DAB1: variants seen among roughly 807,000 people sequenced by gnomAD.
DAB1 encodes DAB adaptor protein 1.
A neutral mutation model predicts 64.6 loss-of-function variants in DAB1; 15 were observed. That is an observed-to-expected ratio of 0.23 (90% CI 0.16 to 0.36). DAB1 has a LOEUF of 0.36. Ranked by LOEUF, DAB1 falls within the 10% of genes least tolerant of loss-of-function variation. DAB1 has a pLI of 1.00. For synonymous variants in DAB1, 235 were observed against 251.9 expected, an observed-to-expected ratio of 0.93 and a Z score of 0.64; for missense variants, 596 against 706.7, an observed-to-expected ratio of 0.84 and a Z score of 1.78.
At chr1:58,026,045 T>C (rs763124171) in intron 5 of DAB1, among the ~76,000 whole-genome samples, 8 of 152,058 alleles carry the variant, frequency 5.3e-5, no homozygotes, top group Admixed American at 3.9e-4. Context: ...CTCTAATATA[T>C]TGCTTTATAT....
rs1345704565 is a variant in DAB1, at chr1:57,482,866, C to G, written n.625+166726G>C. On this transcript the variant is annotated intron_variant and non_coding_transcript_variant, in intron 7 of 20. Coordinates refer to the DAB1 transcript ENST00000485760. ...GAGGTTAATAACTTGCTCACGTTTA[C>G]AGTCTTTCAAATGTACTACCCTGTC... Among the ~76,000 whole-genome samples, 10 of 152,286 alleles carry G rather than the reference C, an allele frequency of 6.6e-5. No individual in the cohort carries two copies. The East Asian group carries it at 1.9e-3, about 29-fold the overall frequency.
chr1:57,006,358 C>G (rs774676618), intron 14 of DAB1, among the ~76,000 whole-genome samples: 1 of 152,216 alleles, frequency 6.6e-6, no homozygotes, highest in East Asian at 1.9e-4. Context: ...TCTGCTCAAA[C>G]ATGCTGCTTG....
chr1:58,416,397 T>C (rs1019960703), intron 3 of DAB1, among the ~76,000 whole-genome samples: 10 of 152,166 alleles, frequency 6.6e-5, no homozygotes, highest in Admixed American at 6.5e-4. Flanking sequence ...AGCAAGAGTA[T>C]TAATAATAGT....
In DAB1 at chr1:57,855,167, G is replaced by A. The variant is rs543028974; in HGVS notation, n.88-28712C>T. 4.6e-5 allele frequency among the ~76,000 whole-genome samples: 7 copies of A among 152,238 alleles called. No homozygotes were observed. The South Asian group carries it at 1.2e-3, about 27-fold the overall frequency. On this transcript the variant is annotated intron_variant and non_coding_transcript_variant, in intron 1 of 1. Transcript: ENST00000477280. ...TATGAGTGCACAGCAACTTCTGCAG[G>A]GCTGGAGGAAGCTGAGGGGGAGGGG...
At chr1:57,464,158 T>A (rs1169555489) in intron 7 of DAB1, among the ~76,000 whole-genome samples, 1 of 152,218 alleles carries the variant, frequency 6.6e-6, no homozygotes, top group Non-Finnish European at 1.5e-5. Context: ...CTTAAAGAAC[T>A]ATCATGTAAG....
chr1:57,144,196 A>C (rs1658883274), intron 3 of DAB1, among the ~76,000 whole-genome samples: 2 of 152,038 alleles, frequency 1.3e-5, no homozygotes, highest in African/African-American at 4.8e-5. Context: ...AATGCACATA[A>C]GTGAACTCTG....
rs72912307 is a variant in DAB1, at chr1:58,265,571, G to A, written n.309+77781C>T. Among the ~76,000 whole-genome samples, 1,085 of 152,254 alleles carry A rather than the reference G, an allele frequency of 7.1e-3. 15 individuals carry two copies. Among genetic ancestry groups the A allele is most frequent in the African/African-American group, 0.024 (1,014 of 41,554 alleles). On this transcript the variant is annotated intron_variant and non_coding_transcript_variant, in intron 4 of 20. Transcript: ENST00000485760. ...TTTATTAACTCCTCTAATCAAACCA[G>A]CAATTTTTTTTCATATTACATGAAA...
intron 6 of DAB1, among the ~76,000 whole-genome samples, chr1:57,667,434 T>C (rs776207578): frequency 2.1e-4 from 32 of 152,112 alleles, no homozygotes; most frequent in Non-Finnish European, 3.5e-4. Context: ...GACATATTTT[T>C]TAGTTAATTA....
chr1:57,043,826 G>C (rs1253886534), intron 9 of DAB1, among the ~76,000 whole-genome samples: 2 of 151,348 alleles, frequency 1.3e-5, no homozygotes, highest in Non-Finnish European at 2.9e-5. Flanking sequence ...CAGCCTGGGT[G>C]ACAGAGTAAG....
chr1:58,403,983 T>A (rs1644594594), intron 3 of DAB1, among the ~76,000 whole-genome samples: 1 of 152,198 alleles, frequency 6.6e-6, no homozygotes, highest in South Asian at 2.1e-4. Flanking sequence ...ATTTATTTGG[T>A]CTGGAGAAGA....
At chr1:57,319,930 T>C (rs1339490885) in intron 1 of DAB1, among the ~76,000 whole-genome samples, 1 of 152,212 alleles carries the variant, frequency 6.6e-6, no homozygotes, top group African/African-American at 2.4e-5. Flanking sequence ...CTATAGCAGC[T>C]ATCCTGGGAC....
chr1:58,078,071 G>A (rs529377269), intron 5 of DAB1: 1 of 152,416 alleles, frequency 6.6e-6, no homozygotes, highest in South Asian at 2.1e-4. Flanking sequence ...AAGGTAAGCA[G>A]AACTCAGACA....
chr1:58,420,239 G>T (rs1644759272), intron 3 of DAB1, among the ~76,000 whole-genome samples: 1 of 152,100 alleles, frequency 6.6e-6, no homozygotes, highest in Admixed American at 6.6e-5. Context: ...TTCTTGCTAG[G>T]TTCTTTCCCT....
intron 3 of DAB1, among the ~76,000 whole-genome samples, chr1:58,354,554 G>A (rs1644091058): frequency 6.6e-6 from 1 of 152,140 alleles, no homozygotes; most frequent in Non-Finnish European, 1.5e-5. Context: ...TAATAGATAT[G>A]CAAATATTGG....
At chr1:57,568,608 C>T (rs1331501420) in intron 7 of DAB1, among the ~76,000 whole-genome samples, 8 of 152,090 alleles carry the variant, frequency 5.3e-5, no homozygotes, top group South Asian at 2.1e-4. Flanking sequence ...CATCAAAAAC[C>T]GGGCAAAAGG....
chr1:58,074,056 C>T (rs899859872), intron 5 of DAB1, among the ~76,000 whole-genome samples: 1 of 152,166 alleles, frequency 6.6e-6, no homozygotes, highest in Non-Finnish European at 1.5e-5. Context: ...TTCTATCCTT[C>T]TGGACTTCTC....
Position 57,448,647 on chromosome 1 carries a change from C to T in DAB1, n.626-157481G>A, listed in dbSNP as rs115355460. Among the ~76,000 whole-genome samples the T allele has an allele frequency of 6.1e-3, 928 of 152,196 alleles. 8 individuals are homozygous for T. Among genetic ancestry groups the T allele is most frequent in the African/African-American group, 0.021 (891 of 41,506 alleles). On this transcript the variant is annotated intron_variant and non_coding_transcript_variant, in intron 7 of 20. Transcript: ENST00000485760. ...ATTCTTGATCAAGACATTGTACTTG[C>T]TTTCAAGAAGTGGAGTAGGTCTATT...
intron 14 of DAB1, among the ~76,000 whole-genome samples, chr1:56,998,629 A>G (rs1329890655): frequency 6.6e-6 from 1 of 152,222 alleles, no homozygotes; most frequent in East Asian, 1.9e-4. Context: ...CCACTTGAGA[A>G]CCCTGAAATT....
chr1:57,603,614 T>C (rs1022211857), intron 7 of DAB1, among the ~76,000 whole-genome samples: 1 of 152,200 alleles, frequency 6.6e-6, no homozygotes, highest in African/African-American at 2.4e-5. Context: ...AGTCCTTTAA[T>C]TGGGCAAATT....
Sources: allele counts gnomAD v4.1 joint callset (sites outside exome capture counted in the v4.1 genomes callset), GRCh38; gene constraint gnomAD v4.1.1; transcripts MANE v1.5; gene names NCBI Gene and HGNC (gene_info 2026-07-23, HGNC 2026-07-21).